The following MACC1 variants were observed in gnomAD, a reference collection of about 807,000 sequenced individuals.
MACC1 encodes metastasis-associated in colon cancer protein 1.
A neutral mutation model predicts 70.7 loss-of-function variants in MACC1; 79 were observed. That is an observed-to-expected ratio of 1.12 (90% CI 0.93 to 1.35). MACC1 has a LOEUF of 1.35. Among genes scored for constraint, MACC1 ranks in the 40% most tolerant of loss-of-function variants. The pLI, the probability that MACC1 is intolerant of heterozygous loss-of-function variation, is 0.00. For synonymous variants in MACC1, 361 were observed against 347.2 expected, an observed-to-expected ratio of 1.04 and a Z score of -0.44; for missense variants, 1,106 against 978.1, an observed-to-expected ratio of 1.13 and a Z score of -1.74.
chr7:20,178,737 A>T (rs2128105582), intron 1 of MACC1, among the ~76,000 whole-genome samples: 1 of 152,152 alleles, frequency 6.6e-6, no homozygotes. Context: ...AGTAGCTGGG[A>T]TTACAGGCAT....
chr7:20,199,994 AATAAAG>A (rs1462541556), intron 1 of MACC1, among the ~76,000 whole-genome samples: 4 of 152,042 alleles, frequency 2.6e-5, no homozygotes, highest in Admixed American at 6.6e-5. Flanking sequence ...CAAGATAGAG[AATAAAG>A]ATAAACAAGT....
In MACC1 at chr7:20,141,117, A is replaced by C. The variant is rs772846637; in HGVS notation, c.2388T>G (p.Ser796Arg). 6.2e-7 allele frequency: 1 copy of C among 1,611,196 alleles called. No individual in the cohort carries two copies. The highest frequency in any genetic ancestry group is 1.7e-5 in the Admixed American group (1 of 59,670). ...CTCTGTAGTTATTTCCATAGTGAGC[A>C]CTCCAGGTATACAGAAAATCATAGG... Reference protein sequence around the residue: ...KPAYDFLYTWSAHYGNNYRDV... With the variant: ...KPAYDFLYTWRAHYGNNYRDV... The change falls in exon 7 of 7, where the codon AGT becomes AGG. Residue 796 changes from serine (S) to arginine (R), a missense_variant. Transcript: ENST00000400331.
At chr7:20,151,337 T>G (rs1230302965) in intron 6 of MACC1, among the ~76,000 whole-genome samples, 1 of 152,190 alleles carries the variant, frequency 6.6e-6, no homozygotes, top group Non-Finnish European at 1.5e-5. Context: ...TATTGATTCC[T>G]TTTTTAAAAA....
At position 20,158,221 on chromosome 7, in the gene MACC1, G is replaced by A; in HGVS notation, c.2140C>T (p.Leu714=). The A allele has an allele frequency of 1.3e-6, 2 of 1,580,996 alleles. No homozygotes were observed. The highest frequency in any genetic ancestry group is 1.2e-5 in the South Asian group (1 of 83,994). The change falls in exon 5 of 7, where the codon CTG becomes TTG. Residue 714 remains leucine, a synonymous_variant. Transcript: ENST00000400331. ...ATACTCACCACAATAAGTTCATACA[G>A]AAACTTCCTTGTATTTCTCTCTGTG... ...CHTERNTRKF[L]YELIVALLKM...
chr7:20,170,437 T>C (rs1362805824), intron 2 of MACC1: 1 of 152,226 alleles, frequency 6.6e-6, no homozygotes, highest in African/African-American at 2.4e-5. Flanking sequence ...CAAAGATATG[T>C]AAAGAATATT....
At chr7:20,193,030 C>T (rs1176188638) in intron 1 of MACC1, among the ~76,000 whole-genome samples, 1 of 152,080 alleles carries the variant, frequency 6.6e-6, no homozygotes, top group Non-Finnish European at 1.5e-5. Context: ...TTAAGATGCC[C>T]CTGTTGCCAA....
At chr7:20,179,990 T>C (rs1411533958) in intron 1 of MACC1, among the ~76,000 whole-genome samples, 1 of 152,218 alleles carries the variant, frequency 6.6e-6, no homozygotes, top group Non-Finnish European at 1.5e-5. Context: ...ATGAGCTGTT[T>C]ATTGATATTT....
At chr7:20,151,342 T>C (rs927257940) in intron 6 of MACC1, among the ~76,000 whole-genome samples, 1 of 152,198 alleles carries the variant, frequency 6.6e-6, no homozygotes, top group Non-Finnish European at 1.5e-5. Flanking sequence ...ATTCCTTTTT[T>C]AAAAAATTAA....
chr7:20,215,020 C>T (rs1033486016), intron 1 of MACC1, among the ~76,000 whole-genome samples: 1 of 152,176 alleles, frequency 6.6e-6, no homozygotes, highest in Non-Finnish European at 1.5e-5. Context: ...GTACGCGTCT[C>T]TTCTGTGTTT....
chr7:20,181,490 A>G (rs1171859386), intron 1 of MACC1, among the ~76,000 whole-genome samples: 2 of 152,142 alleles, frequency 1.3e-5, no homozygotes. Context: ...AGCATTTGAT[A>G]ATATATTCAT....
intron 5 of MACC1, among the ~76,000 whole-genome samples, chr7:20,157,149 A>G (rs1244440282): frequency 6.6e-6 from 1 of 152,240 alleles, no homozygotes; most frequent in East Asian, 1.9e-4. Flanking sequence ...TGAAGATACT[A>G]GCTATACTTA....
At chr7:20,182,834 A>T (rs527545017) in intron 1 of MACC1, among the ~76,000 whole-genome samples, 1 of 152,366 alleles carries the variant, frequency 6.6e-6, no homozygotes, top group South Asian at 2.1e-4. Flanking sequence ...AATCCCATTA[A>T]CAATAGCAGC....
At chr7:20,182,556 G>A (rs1302509079) in intron 1 of MACC1, among the ~76,000 whole-genome samples, 2 of 152,224 alleles carry the variant, frequency 1.3e-5, no homozygotes, top group East Asian at 1.9e-4. Flanking sequence ...TGCCTATTCT[G>A]AAGGGTTGCC....
Position 20,140,107 on chromosome 7 carries a change from C to G in MACC1, c.*839G>C, listed in dbSNP as rs1781775095. On this transcript the variant is annotated 3_prime_UTR_variant, in exon 7 of 7. Transcript: ENST00000400331. ...AGGGAGCTGATGAAAACACTAGGTC[C>G]ATGCATGCAGACAACAGATTTCTGA... 6.6e-6 allele frequency: 1 copy of G among 152,116 alleles called. No homozygotes were observed. Among genetic ancestry groups the G allele is most frequent in the South Asian group, 2.1e-4 (1 of 4,822 alleles). 9.4% of individuals were successfully genotyped at this position (152,116 alleles called of 1,614,324 possible).
intron 1 of MACC1, among the ~76,000 whole-genome samples, chr7:20,213,715 T>C (rs182091637): frequency 6.6e-6 from 1 of 152,030 alleles, no homozygotes; most frequent in Non-Finnish European, 1.5e-5. Context: ...TGAGAACACA[T>C]GGACACATAA....
intron 6 of MACC1, among the ~76,000 whole-genome samples, chr7:20,151,054 GAAAA>G (rs58699284): frequency 1.0e-5 from 1 of 99,458 alleles, no homozygotes; most frequent in Non-Finnish European, 2.1e-5. Context: ...TCTCAAAGGA[GAAAA>G]AAAAAAAAAA....
In MACC1 at chr7:20,134,664, T is replaced by A. The variant is rs1447085182; in HGVS notation, c.*6282A>T. On this transcript the variant is annotated 3_prime_UTR_variant, in exon 7 of 7. Transcript: ENST00000400331. ...TAATCATAACTAAAGATTTGATTTT[T>A]CAATGACTCACTCTATTTTCATGAA... is the stretch of plus-strand genomic sequence containing the variant. 6.6e-6 allele frequency: 1 copy of A among 152,238 alleles called. No homozygotes were observed. Among genetic ancestry groups the A allele is most frequent in the Non-Finnish European group, 1.5e-5 (1 of 68,042 alleles). The allele number at this position is 152,238 out of a possible 1,614,324, so 9.4% of individuals were successfully genotyped here.
chr7:20,199,032 C>G (rs2128107996), intron 1 of MACC1, among the ~76,000 whole-genome samples: 1 of 152,296 alleles, frequency 6.6e-6, no homozygotes, highest in Non-Finnish European at 1.5e-5. Context: ...GTGTATTATT[C>G]AGCTGCCAGT....
chr7:20,180,450 GA>G lies in MACC1; in HGVS notation c.-217-9673del, dbSNP rs529354728. 6.5e-4 allele frequency among the ~76,000 whole-genome samples: 84 copies of G among 129,890 alleles called. No individual in the cohort carries two copies. In the South Asian group the frequency reaches 0.018, roughly 27 times the overall value. The allele number at this position is 129,890 out of a possible 152,430, so 85.2% of individuals were successfully genotyped here. On this transcript the variant is annotated intron_variant, in intron 1 of 6. Coordinates refer to ENST00000400331, the MANE Select transcript of MACC1 (RefSeq NM_182762.4). ...AAGCAAGACTCCATCTAAAAAAAAG[GA>G]AAAAAAAAAGAAAAAAAAATGTATA...
Sources: gnomAD v4.1 joint callset for allele counts (sites outside exome capture counted in the v4.1 genomes callset) on GRCh38, gnomAD v4.1.1 for gene constraint, MANE v1.5 for transcripts, NCBI Gene and HGNC (gene_info 2026-07-23, HGNC 2026-07-21) for gene names.